PCSK5: variants seen among roughly 807,000 people sequenced by gnomAD.
PCSK5 encodes proprotein convertase subtilisin/kexin type 5.
In PCSK5, 129 loss-of-function variants were observed where a neutral mutation model predicts 233.2. The ratio of observed to expected loss-of-function variants is 0.55; its 90% CI spans 0.48 to 0.64. PCSK5 has a LOEUF of 0.64. PCSK5 is among the 30% of genes least tolerant of loss of function. The pLI is 0.00. For missense variants in PCSK5, 2,076 were observed against 2,430.1 expected (o/e 0.85, Z 3.06); for synonymous variants, 825 against 879.2 (o/e 0.94, Z 1.09).
chr9:76,179,758 C>T, intron 15 of PCSK5, 60 bp downstream of exon 15: 2 of 1,142,628 alleles, frequency 1.8e-6, no homozygotes. Flanking sequence ...GGAGTTCCTG[C>T]AAGGCTAATA....
intron 2 of PCSK5, among the ~76,000 whole-genome samples, chr9:75,934,296 T>C (rs1460242114): frequency 2.6e-5 from 4 of 152,192 alleles, no homozygotes; most frequent in African/African-American, 9.6e-5. Context: ...ACCTAGCATT[T>C]ACACAGGACA....
At chr9:76,009,697 T>C (rs747916448) in intron 3 of PCSK5, among the ~76,000 whole-genome samples, 1 of 151,648 alleles carries the variant, frequency 6.6e-6, no homozygotes, top group Non-Finnish European at 1.5e-5. Context: ...TGTATATATA[T>C]ATTTATATAT....
At chr9:75,986,330 A>G (rs1826514047) in intron 3 of PCSK5, 85 bp downstream of exon 3, 7 of 793,334 alleles carry the variant, frequency 8.8e-6, no homozygotes, top group Non-Finnish European at 1.6e-5. Context: ...TTGGGAGGAC[A>G]CAGAAATACT....
At chr9:76,295,222 A>AGG in intron 25 of PCSK5, 53 bp from the exon 26 acceptor site, 2 of 1,506,496 alleles carry the variant, frequency 1.3e-6, no homozygotes, top group African/African-American at 2.8e-5. Flanking sequence ...AATTATGGTG[A>AGG]AGAGAAATAC....
chr9:76,231,434 A>G (rs1826076358), intron 21 of PCSK5, among the ~76,000 whole-genome samples: 1 of 152,232 alleles, frequency 6.6e-6, no homozygotes, highest in East Asian at 1.9e-4. Context: ...GACCACTGCT[A>G]TAAAAGATAA....
intron 3 of PCSK5, among the ~76,000 whole-genome samples, chr9:76,012,541 G>GA (rs1827775579): frequency 6.6e-6 from 1 of 152,102 alleles, no homozygotes; most frequent in African/African-American, 2.4e-5. Flanking sequence ...TGCAATATGG[G>GA]AAAAACAAAA....
In PCSK5 at chr9:76,014,995, T is replaced by C. The variant is rs1279253231; in HGVS notation, c.412-8743T>C. 2.0e-5 allele frequency among the ~76,000 whole-genome samples: 3 copies of C among 152,164 alleles called. No homozygotes were observed. In the South Asian group the frequency reaches 6.2e-4, roughly 32 times the overall value. On this transcript the variant is annotated intron_variant, in intron 3 of 37. Coordinates refer to ENST00000674117, the MANE Select transcript of PCSK5 (RefSeq NM_001372043.1). Reference sequence around the variant, plus strand: ...GAGAGGGAGAGACAGAGATTTATCATGAAGGATTGGTTCATGTGATAATGG... The same window carrying C: ...GAGAGGGAGAGACAGAGATTTATCACGAAGGATTGGTTCATGTGATAATGG...
intron 24 of PCSK5, among the ~76,000 whole-genome samples, chr9:76,256,804 G>A (rs904407571): frequency 1.3e-5 from 2 of 152,158 alleles, no homozygotes; most frequent in African/African-American, 4.8e-5. Flanking sequence ...AGAAATCTTA[G>A]TCTCTATTCA....
chr9:76,032,183 C>T (rs1451699354), intron 5 of PCSK5, among the ~76,000 whole-genome samples: 1 of 152,130 alleles, frequency 6.6e-6, no homozygotes, highest in Non-Finnish European at 1.5e-5. Context: ...TATGCAAATG[C>T]CTCCTCACTG....
chr9:76,040,609 A>C (rs1829076742), intron 5 of PCSK5, among the ~76,000 whole-genome samples: 1 of 152,158 alleles, frequency 6.6e-6, no homozygotes, highest in Admixed American at 6.6e-5. Context: ...CAGAGGAAGA[A>C]AGTAAAATTG....
At chr9:76,091,806 C>T (rs755363683) in intron 7 of PCSK5, among the ~76,000 whole-genome samples, 3 of 152,142 alleles carry the variant, frequency 2.0e-5, no homozygotes, top group Admixed American at 6.5e-5. Flanking sequence ...TCTCTGTGCC[C>T]CTTCAGGCCT....
intron 20 of PCSK5, among the ~76,000 whole-genome samples, chr9:76,209,131 A>G (rs1464771323): frequency 6.6e-6 from 1 of 152,230 alleles, no homozygotes; most frequent in Non-Finnish European, 1.5e-5. Context: ...TGTGCTCTGA[A>G]GCCACAAATG....
intron 28 of PCSK5, among the ~76,000 whole-genome samples, chr9:76,308,223 G>A (rs1377035371): frequency 6.6e-6 from 1 of 152,062 alleles, no homozygotes; most frequent in African/African-American, 2.4e-5. Context: ...GAAAAGAAAA[G>A]GTCATCCAAC....
At chr9:76,138,054 T>G (rs895988471) in intron 10 of PCSK5, among the ~76,000 whole-genome samples, 4 of 152,272 alleles carry the variant, frequency 2.6e-5, no homozygotes, top group African/African-American at 9.6e-5. Flanking sequence ...GGATGTTATC[T>G]CTTCATTTAT....
intron 20 of PCSK5, among the ~76,000 whole-genome samples, chr9:76,196,747 TTC>T (rs1057304062): frequency 6.6e-6 from 1 of 152,236 alleles, no homozygotes; most frequent in Admixed American, 6.5e-5. Flanking sequence ...TGTGGATATG[TTC>T]TCTCTCAATT....
intron 1 of PCSK5, among the ~76,000 whole-genome samples, chr9:75,901,965 C>T (rs1826055718): frequency 6.6e-6 from 1 of 152,012 alleles, no homozygotes. Flanking sequence ...CCTGTAATCC[C>T]AGCACTTTGG....
intron 7 of PCSK5, among the ~76,000 whole-genome samples, chr9:76,092,547 G>T (rs922325142): frequency 2.0e-5 from 3 of 152,162 alleles, no homozygotes; most frequent in African/African-American, 7.2e-5. Flanking sequence ...ATAGGCACAT[G>T]CCACCATGCC....
intron 24 of PCSK5, among the ~76,000 whole-genome samples, chr9:76,278,704 T>C (rs992778287): frequency 7.9e-5 from 12 of 152,062 alleles, no homozygotes; most frequent in African/African-American, 2.9e-4. Flanking sequence ...TATCTATCCA[T>C]CCATCCATCC....
chr9:75,995,145 G>A (rs934211007), intron 3 of PCSK5, among the ~76,000 whole-genome samples: 1 of 152,158 alleles, frequency 6.6e-6, no homozygotes, highest in Non-Finnish European at 1.5e-5. Flanking sequence ...TGAGTAGCCA[G>A]GTCCCCCACT....
Sources: allele counts gnomAD v4.1 joint callset (sites outside exome capture counted in the v4.1 genomes callset), GRCh38; gene constraint gnomAD v4.1.1; transcripts MANE v1.5; gene names NCBI Gene and HGNC (gene_info 2026-07-23, HGNC 2026-07-21).